GALNT17: variants seen among roughly 807,000 people sequenced by gnomAD.
GALNT17 encodes the protein polypeptide N-acetylgalactosaminyltransferase 17.
GALNT17 carries 29 observed loss-of-function variants against 63.7 expected under a neutral mutation model. The observed-to-expected ratio is 0.46, with a 90% confidence interval of 0.34 to 0.62. The LOEUF (loss-of-function observed/expected upper bound fraction) is 0.62. GALNT17 is among the 20% of genes least tolerant of loss of function. The pLI is 0.01. For missense variants in GALNT17, 603 were observed against 799.6 expected (o/e 0.75, Z 2.97); for synonymous variants, 305 against 318.3 (o/e 0.96, Z 0.45).
intron 1 of GALNT17, among the ~76,000 whole-genome samples, chr7:71,304,594 A>G (rs1359861128): frequency 6.6e-6 from 1 of 152,164 alleles, no homozygotes; most frequent in Non-Finnish European, 1.5e-5. Context: ...CCAGGCTCCC[A>G]AGATGCAAGT....
At chr7:71,705,278 G>C (rs1360193289) in intron 9 of GALNT17, among the ~76,000 whole-genome samples, 2 of 151,966 alleles carry the variant, frequency 1.3e-5, no homozygotes, top group African/African-American at 4.8e-5. Context: ...AACATCTTTA[G>C]TCATTAGAGA....
At chr7:71,317,278 T>A (rs1791517547) in intron 1 of GALNT17, among the ~76,000 whole-genome samples, 1 of 152,224 alleles carries the variant, frequency 6.6e-6, no homozygotes, top group African/African-American at 2.4e-5. Flanking sequence ...CCTGGTCAGA[T>A]GATGCCTCGT....
At chr7:71,681,454 G>A (rs931510218) in intron 9 of GALNT17, among the ~76,000 whole-genome samples, 2 of 152,190 alleles carry the variant, frequency 1.3e-5, no homozygotes, top group African/African-American at 4.8e-5. Flanking sequence ...GTGGTACTGA[G>A]CCTAGAGGAC....
chr7:71,322,214 A>G (rs2116012840), intron 1 of GALNT17, among the ~76,000 whole-genome samples: 1 of 152,106 alleles, frequency 6.6e-6, no homozygotes, highest in East Asian at 1.9e-4. Flanking sequence ...TCAGCCTCCC[A>G]AAGTGCTGGG....
At chr7:71,593,895 T>A (rs911611857) in intron 6 of GALNT17, among the ~76,000 whole-genome samples, 6 of 152,214 alleles carry the variant, frequency 3.9e-5, no homozygotes, top group African/African-American at 1.4e-4. Context: ...TTTCTTTTTC[T>A]AAACTTTCTG....
At chr7:71,329,340 T>G (rs148043416) in intron 1 of GALNT17, among the ~76,000 whole-genome samples, 46 of 152,188 alleles carry the variant, frequency 3.0e-4, no homozygotes, top group Middle Eastern at 3.4e-3. Context: ...TGCTTGGTAG[T>G]CTTTTAGCTG....
intron 2 of GALNT17, among the ~76,000 whole-genome samples, chr7:71,385,444 T>A (rs1320457017): frequency 1.3e-5 from 2 of 152,202 alleles, no homozygotes; most frequent in African/African-American, 4.8e-5. Flanking sequence ...GCTGAAGTGC[T>A]GCAGTGGCTC....
chr7:71,143,473 A>G (rs1179566344), intron 1 of GALNT17, among the ~76,000 whole-genome samples: 2 of 151,746 alleles, frequency 1.3e-5, no homozygotes, highest in Admixed American at 6.6e-5. Flanking sequence ...AGCCAGAACT[A>G]CGAATCTGCG....
At chr7:71,348,069 T>C (rs1254337804) in intron 2 of GALNT17, among the ~76,000 whole-genome samples, 2 of 152,176 alleles carry the variant, frequency 1.3e-5, no homozygotes, top group East Asian at 3.8e-4. Context: ...GAGACCAGCC[T>C]GGCCAACATG....
At chr7:71,473,722 G>C (rs903731292) in intron 5 of GALNT17, among the ~76,000 whole-genome samples, 2 of 152,074 alleles carry the variant, frequency 1.3e-5, no homozygotes, top group Non-Finnish European at 2.9e-5. Flanking sequence ...CAGTGGGGTG[G>C]CCTAGGCTTT....
At chr7:71,608,103 G>A (rs1228485863) in intron 6 of GALNT17, among the ~76,000 whole-genome samples, 15 of 152,130 alleles carry the variant, frequency 9.9e-5, no homozygotes, top group Admixed American at 9.8e-4. Context: ...GGAAAGTTCT[G>A]AATTATTCCT....
chr7:71,490,931 T>C (rs1049168088), intron 5 of GALNT17, among the ~76,000 whole-genome samples: 4 of 152,116 alleles, frequency 2.6e-5, no homozygotes, highest in African/African-American at 9.7e-5. Context: ...TGGTGGCTCA[T>C]GCCTGTAATC....
At chr7:71,256,775 C>T (rs1364685199) in intron 1 of GALNT17, among the ~76,000 whole-genome samples, 1 of 152,196 alleles carries the variant, frequency 6.6e-6, no homozygotes, top group Non-Finnish European at 1.5e-5. Flanking sequence ...TATGGGGCCG[C>T]TCTTTTTGCC....
chr7:71,435,369 C>T (rs1019463418), intron 5 of GALNT17, among the ~76,000 whole-genome samples: 2 of 152,132 alleles, frequency 1.3e-5, no homozygotes, highest in African/African-American at 4.8e-5. Flanking sequence ...TGATAACAGC[C>T]CTTTCCCAAA....
At chr7:71,510,472 G>T (rs1332235069) in intron 5 of GALNT17, among the ~76,000 whole-genome samples, 1 of 152,130 alleles carries the variant, frequency 6.6e-6, no homozygotes, top group Non-Finnish European at 1.5e-5. Flanking sequence ...TCCATCAGTT[G>T]GGTCATGCCT....
intron 1 of GALNT17, among the ~76,000 whole-genome samples, chr7:71,331,749 C>T (rs1003304011): frequency 2.0e-5 from 3 of 152,026 alleles, no homozygotes; most frequent in Admixed American, 1.3e-4. Context: ...CATTCTCAGA[C>T]CCAGTGTCCT....
chr7:71,253,512 C>T (rs1394359042), intron 1 of GALNT17, among the ~76,000 whole-genome samples: 4 of 150,410 alleles, frequency 2.7e-5, no homozygotes, highest in Non-Finnish European at 5.9e-5. Context: ...ATTACCTACT[C>T]TTCCTTTTTT....
chr7:71,283,192 C>G (rs1228534718), intron 1 of GALNT17, among the ~76,000 whole-genome samples: 2 of 151,832 alleles, frequency 1.3e-5, no homozygotes, highest in African/African-American at 4.8e-5. Context: ...GGCCACCATG[C>G]CTGGCTAATT....
chr7:71,145,506 A>C (rs1788000270), intron 1 of GALNT17, among the ~76,000 whole-genome samples: 1 of 152,120 alleles, frequency 6.6e-6, no homozygotes, highest in Non-Finnish European at 1.5e-5. Context: ...TCTAAAATTT[A>C]TAATCATCAC....
Sources: allele counts gnomAD v4.1 joint callset (sites outside exome capture counted in the v4.1 genomes callset), GRCh38; gene constraint gnomAD v4.1.1; transcripts MANE v1.5; gene names NCBI Gene and HGNC (gene_info 2026-07-23, HGNC 2026-07-21).